The following ITCH variants were observed in gnomAD, a reference collection of about 807,000 sequenced individuals.
The protein encoded by ITCH is E3 ubiquitin-protein ligase Itchy homolog.
In ITCH, 28 loss-of-function variants were observed where a neutral mutation model predicts 126.8. The observed-to-expected ratio is 0.22, with a 90% CI of 0.16 to 0.30. The LOEUF (loss-of-function observed/expected upper bound fraction) is 0.30, where lower values mean the gene tolerates loss of function less well. Ranked by LOEUF, ITCH falls within the 10% of genes least tolerant of loss-of-function variation. ITCH has a pLI of 1.00. For missense variants in ITCH, 631 were observed against 1,032.4 expected, an observed-to-expected ratio of 0.61 and a Z score of 5.33; for synonymous variants, 342 against 340.0, an observed-to-expected ratio of 1.01 and a Z score of -0.06.
At chr20:34,380,143 A>T (rs2146017259) in intron 2 of ITCH, among the ~76,000 whole-genome samples, 1 of 152,108 alleles carries the variant, frequency 6.6e-6, no homozygotes, top group South Asian at 2.1e-4. Context: ...CTCAGCTGGG[A>T]TTACAGCCGT....
At chr20:34,371,279 CTTTTT>C (rs770951963) in intron 2 of ITCH, among the ~76,000 whole-genome samples, 4 of 118,454 alleles carry the variant, frequency 3.4e-5, no homozygotes, top group Non-Finnish European at 5.0e-5. Context: ...ATCACTTCTT[CTTTTT>C]TTTTTTTTTT....
At chr20:34,453,462 T>C (rs1190783526) in intron 12 of ITCH, among the ~76,000 whole-genome samples, 1 of 151,844 alleles carries the variant, frequency 6.6e-6, no homozygotes, top group East Asian at 1.9e-4. Context: ...ATTAGTTGGG[T>C]GTGGCATGCC....
intron 14 of ITCH, among the ~76,000 whole-genome samples, chr20:34,467,090 G>T (rs755642270): frequency 3.8e-4 from 58 of 152,132 alleles, no homozygotes; most frequent in Non-Finnish European, 6.2e-4. Flanking sequence ...ACATTAAAAG[G>T]ATAATAAAGG....
At chr20:34,448,984 T>C (rs1984816006) in intron 11 of ITCH, among the ~76,000 whole-genome samples, 1 of 152,202 alleles carries the variant, frequency 6.6e-6, no homozygotes, top group Admixed American at 6.5e-5. Context: ...ATTCTTTGTA[T>C]GTCACATGTT....
At chr20:34,398,329 C>T (rs770383983) in intron 3 of ITCH, among the ~76,000 whole-genome samples, 3 of 152,004 alleles carry the variant, frequency 2.0e-5, no homozygotes, top group African/African-American at 7.3e-5. Flanking sequence ...TCCTAAATTG[C>T]TTGTATTAGA....
At chr20:34,464,179 G>A (rs1469095132) in intron 14 of ITCH, among the ~76,000 whole-genome samples, 2 of 149,938 alleles carry the variant, frequency 1.3e-5, no homozygotes, top group Admixed American at 6.6e-5. Context: ...TAATAGAGAC[G>A]GGGTTTCACC....
At chr20:34,475,258 C>T (rs1158258984) in intron 16 of ITCH, among the ~76,000 whole-genome samples, 1 of 152,200 alleles carries the variant, frequency 6.6e-6, no homozygotes, top group Non-Finnish European at 1.5e-5. Context: ...GTGGTGGCGG[C>T]CGGGCAGAGG....
chr20:34,427,663 A>G (rs1981729700), intron 7 of ITCH, among the ~76,000 whole-genome samples: 2 of 152,186 alleles, frequency 1.3e-5, no homozygotes, highest in African/African-American at 4.8e-5. Context: ...ATATCTGTAG[A>G]CTGAATACTA....
At chr20:34,474,309 G>A (rs939660032) in intron 16 of ITCH, among the ~76,000 whole-genome samples, 9 of 152,162 alleles carry the variant, frequency 5.9e-5, no homozygotes, top group Non-Finnish European at 1.0e-4. Flanking sequence ...AGGACCCTGC[G>A]GCCTTCCGCA....
chr20:34,399,967 T>C (rs975331414), intron 3 of ITCH, among the ~76,000 whole-genome samples: 4 of 151,860 alleles, frequency 2.6e-5, no homozygotes, highest in Admixed American at 2.6e-4. Flanking sequence ...TAAGACGGAG[T>C]CTCGCTCTGT....
At chr20:34,498,286 A>G (rs1012514208) in intron 23 of ITCH, among the ~76,000 whole-genome samples, 6 of 152,168 alleles carry the variant, frequency 3.9e-5, no homozygotes, top group African/African-American at 1.4e-4. Context: ...GCGAACAGGT[A>G]TAGTTCAACT....
At chr20:34,416,856 A>G (rs952567143) in intron 6 of ITCH, among the ~76,000 whole-genome samples, 1 of 150,978 alleles carries the variant, frequency 6.6e-6, no homozygotes, top group Non-Finnish European at 1.5e-5. Flanking sequence ...TGAAGTACAG[A>G]GTTAATCTGC....
Position 34,372,312 on chromosome 20 carries a change from CA to C in ITCH, c.-22+2858del, listed in dbSNP as rs368969042. Among the ~76,000 whole-genome samples, 253 of 73,066 alleles carry C rather than the reference CA, an allele frequency of 3.5e-3. 3 individuals are homozygous for C. Among genetic ancestry groups the C allele is most frequent in the African/African-American group, 7.2e-3 (128 of 17,726 alleles). The allele number at this position is 73,066 out of a possible 152,430, so 47.9% of individuals were successfully genotyped here. On this transcript the variant is annotated intron_variant, in intron 2 of 24. Transcript: ENST00000374864. ...AGAGTGACAGAGGGATACTTTGTCT[CA>C]AAAAAAAAAAAAAAAGGCTTCATAA...
intron 3 of ITCH, chr20:34,402,258 A>G (rs2038913399): frequency 1.6e-6 from 2 of 1,256,690 alleles, no homozygotes; most frequent in Non-Finnish European, 2.3e-6. Flanking sequence ...AGAACACTCC[A>G]CGTACTTGAC....
intron 2 of ITCH, 59 bp from the exon 3 acceptor site, chr20:34,393,728 CTATT>C: frequency 1.1e-6 from 1 of 949,120 alleles, no homozygotes; most frequent in Non-Finnish European, 1.7e-6. Context: ...CAGGTTAGCA[CTATT>C]TATATATGTT....
At chr20:34,436,455 A>T (rs979444002) in intron 7 of ITCH, among the ~76,000 whole-genome samples, 4 of 152,240 alleles carry the variant, frequency 2.6e-5, no homozygotes, top group African/African-American at 9.6e-5. Flanking sequence ...GAGAGGCAAT[A>T]CGCAGTCTTA....
chr20:34,438,014 A>G (rs1983239670), intron 7 of ITCH, among the ~76,000 whole-genome samples: 2 of 152,362 alleles, frequency 1.3e-5, no homozygotes, highest in African/African-American at 2.4e-5. Context: ...TCCCTGGGAA[A>G]TACGTGCACT....
chr20:34,477,449 G>C (rs1042374382), intron 16 of ITCH, among the ~76,000 whole-genome samples: 3 of 152,182 alleles, frequency 2.0e-5, no homozygotes, highest in African/African-American at 4.8e-5. Context: ...AGAATCGCTT[G>C]AACCTGGGAG....
chr20:34,452,345 A>G (rs1985368309), intron 12 of ITCH, among the ~76,000 whole-genome samples: 2 of 152,178 alleles, frequency 1.3e-5, no homozygotes, highest in South Asian at 2.1e-4. Flanking sequence ...TGTGTTAAAG[A>G]TCCAGCTTAG....
Sources: allele counts gnomAD v4.1 joint callset (sites outside exome capture counted in the v4.1 genomes callset), GRCh38; gene constraint gnomAD v4.1.1; transcripts MANE v1.5; gene names NCBI Gene and HGNC (gene_info 2026-07-23, HGNC 2026-07-21).